The following DMD variants were observed in gnomAD, a reference collection of about 807,000 sequenced individuals.
DMD encodes the protein mutant dystrophin.
In DMD, 63 loss-of-function variants were observed where a neutral mutation model predicts 330.1. The ratio of observed to expected loss-of-function variants is 0.19; its 90% confidence interval spans 0.16 to 0.24. DMD has a LOEUF of 0.24. Ranked by LOEUF, DMD falls within the 10% of genes least tolerant of loss-of-function variation. The pLI, the probability that DMD is intolerant of heterozygous loss-of-function variation, is 1.00. For synonymous variants in DMD, 1,223 were observed against 959.8 expected (o/e 1.27, Z -5.07); for missense variants, 3,344 against 2,684.1 (o/e 1.25, Z -5.43).
intron 11 of DMD, among the ~76,000 whole-genome samples, chrX:32,632,735 G>T (rs945172959): frequency 7.2e-5 from 8 of 110,684 alleles, no homozygotes; most frequent in Non-Finnish European, 7.6e-5. Context: ...CTGGGTGCGG[G>T]GGGGAGGGGT....
chrX:32,573,402 C>A lies in DMD; in HGVS notation c.1812+128G>T, dbSNP rs2052651940. 2.1e-5 allele frequency: 12 copies of A among 563,553 alleles called. No homozygotes were observed. The South Asian group carries it at 3.2e-4, about 15-fold the overall frequency. The allele number at this position is 563,553 out of a possible 1,213,427, so 46.4% of individuals were successfully genotyped here. A position where few individuals can be genotyped will look rare whatever the true frequency, so the allele number is the denominator to read the frequency against. On this transcript the variant is annotated intron_variant, in intron 15 of 78. Coordinates refer to ENST00000357033, the MANE Select transcript of DMD (RefSeq NM_004006.3). ...ATTCAGAAAAGTAGCAATATAACAT[C>A]TTTGAATAATCTATGATCCAAGCAA...
chrX:31,497,011 C>A, intron 56 of DMD, 67 bp from the exon 57 acceptor site: 1 of 1,128,842 alleles, frequency 8.9e-7, no homozygotes, highest in East Asian at 3.2e-5. Context: ...CTAACAATTC[C>A]ATTGAAAAAG....
At chrX:33,099,281 G>T (rs887190600) in intron 1 of DMD, among the ~76,000 whole-genome samples, 3 of 110,671 alleles carry the variant, frequency 2.7e-5, no homozygotes, top group Non-Finnish European at 5.7e-5. Flanking sequence ...GCTCTTGTTG[G>T]GCGGTCTCTC....
At chrX:31,285,690 G>C (rs2053149780) in intron 62 of DMD, among the ~76,000 whole-genome samples, 1 of 111,242 alleles carries the variant, frequency 9.0e-6, no homozygotes, top group African/African-American at 3.3e-5. Flanking sequence ...GATAAAGAGG[G>C]AAGAAAAAAA....
Position 33,010,034 on chromosome X carries a change from G to GTATATACACATGTGTATATATACGTGTA in DMD, c.93+10077_93+10104dup, listed in dbSNP as rs1164659234. ...TATATACACATATGTGTGTACATGT[G>GTATATACACATGTGTATATATACGTGTA]TATATACACATGTGTATATATACGT... On this transcript the variant is annotated intron_variant, in intron 2 of 78. Transcript: ENST00000357033. Among the ~76,000 whole-genome samples the GTATATACACATGTGTATATATACGTGTA allele has an allele frequency of 1.5e-4, 8 of 54,608 alleles. 2 individuals carry two copies. The East Asian group carries it at 4.5e-3, about 31-fold the overall frequency. 47.4% of individuals were successfully genotyped at this position (54,608 alleles called of 115,157 possible).
chrX:32,495,541 C>T (rs1003740534), intron 19 of DMD, among the ~76,000 whole-genome samples: 1 of 111,532 alleles, frequency 9.0e-6, no homozygotes, highest in Admixed American at 9.6e-5. Context: ...CTTAATGTAC[C>T]TCTCTTCAAT....
chrX:31,394,938 TGAGAGA>T lies in DMD; in HGVS notation c.9085-46310_9085-46305del, dbSNP rs757803694. ...CATTACTATGAGAGAGAGAGAAGGGTGAGAGAGAGAGAGAGAGAGAGAGACCAAGTG... is the reference window on the plus strand; with the variant it reads ...CATTACTATGAGAGAGAGAGAAGGGTGAGAGAGAGAGAGAGAGACCAAGTG... On this transcript the variant is annotated intron_variant, in intron 60 of 78. Transcript: ENST00000357033. Among the ~76,000 whole-genome samples, 4 of 86,848 alleles carry T rather than the reference TGAGAGA, an allele frequency of 4.6e-5. No individual in the cohort carries two copies. In the Admixed American group the frequency reaches 5.3e-4, roughly 11 times the overall value. The allele number at this position is 86,848 out of a possible 115,157, so 75.4% of individuals were successfully genotyped here.
chrX:31,194,393 C>T (rs182016526), intron 67 of DMD, among the ~76,000 whole-genome samples: 56 of 111,942 alleles, frequency 5.0e-4, no homozygotes, highest in African/African-American at 1.7e-3. Flanking sequence ...TTGTGTGTAA[C>T]GATAGCATTG....
chrX:32,576,547 G>A (rs760148699), intron 13 of DMD, among the ~76,000 whole-genome samples: 2 of 110,890 alleles, frequency 1.8e-5, no homozygotes, highest in South Asian at 7.7e-4. Context: ...GCTGGACAAA[G>A]GGGTGATTCA....
intron 22 of DMD, among the ~76,000 whole-genome samples, chrX:32,471,944 C>T (rs748915817): frequency 8.9e-6 from 1 of 111,802 alleles, no homozygotes. Flanking sequence ...ATAGATCATA[C>T]AATTGTTTTC....
intron 44 of DMD, among the ~76,000 whole-genome samples, chrX:32,108,880 A>G (rs772028405): frequency 1.9e-4 from 21 of 111,709 alleles, no homozygotes; most frequent in African/African-American, 5.5e-4. Context: ...AGCCTGTTAT[A>G]AAAGAGCAGT....
intron 49 of DMD, among the ~76,000 whole-genome samples, chrX:31,831,477 T>C (rs890006803): frequency 8.9e-6 from 1 of 112,454 alleles, no homozygotes; most frequent in Non-Finnish European, 1.9e-5. Flanking sequence ...CAAAAATCTA[T>C]TATAAATTTT....
intron 2 of DMD, among the ~76,000 whole-genome samples, chrX:32,987,353 G>A (rs1184029971): frequency 9.0e-6 from 1 of 110,973 alleles, no homozygotes; most frequent in African/African-American, 3.3e-5. Flanking sequence ...TCACCTAACT[G>A]GCTGGTGCTT....
intron 7 of DMD, among the ~76,000 whole-genome samples, chrX:32,759,013 G>A (rs2063823769): frequency 9.0e-6 from 1 of 110,985 alleles, no homozygotes; most frequent in Non-Finnish European, 1.9e-5. Flanking sequence ...TTGCAACTGG[G>A]AATACTCATT....
intron 34 of DMD, among the ~76,000 whole-genome samples, chrX:32,378,425 A>G (rs1267712503): frequency 9.1e-6 from 1 of 110,005 alleles, no homozygotes; most frequent in Non-Finnish European, 1.9e-5. Flanking sequence ...ATTAAATATA[A>G]TTAAGATACT....
intron 1 of DMD, among the ~76,000 whole-genome samples, chrX:33,279,754 C>T (rs1294901358): frequency 9.0e-6 from 1 of 111,084 alleles, no homozygotes; most frequent in East Asian, 2.9e-4. Flanking sequence ...GCCATTTTGA[C>T]TACTAGGTAA....
chrX:31,195,174 T>A (rs1389587992), intron 67 of DMD, among the ~76,000 whole-genome samples: 2 of 111,844 alleles, frequency 1.8e-5, no homozygotes, highest in African/African-American at 3.3e-5. Context: ...GCTCTAAATA[T>A]TAATCAGGAC....
chrX:31,698,373 A>T (rs1210500712), intron 52 of DMD, among the ~76,000 whole-genome samples: 1 of 112,060 alleles, frequency 8.9e-6, no homozygotes, highest in Non-Finnish European at 1.9e-5. Context: ...AACCATCAAA[A>T]AATGTTAGGC....
chrX:33,168,674 A>C (rs758233918), intron 1 of DMD, among the ~76,000 whole-genome samples: 27 of 110,484 alleles, frequency 2.4e-4, no homozygotes, highest in African/African-American at 8.5e-4. Flanking sequence ...AACAGAAGTC[A>C]ATGAGGAAAA....
Sources: gnomAD v4.1 joint callset for allele counts (sites outside exome capture counted in the v4.1 genomes callset) on GRCh38, gnomAD v4.1.1 for gene constraint, MANE v1.5 for transcripts, NCBI Gene and HGNC (gene_info 2026-07-23, HGNC 2026-07-21) for gene names.